FYN: variants seen among roughly 807,000 people sequenced by gnomAD.
FYN encodes tyrosine-protein kinase Fyn.
In FYN, 10 loss-of-function variants were observed where a neutral mutation model predicts 70.2. The ratio of observed to expected loss-of-function variants is 0.14; its 90% CI spans 0.09 to 0.24. The LOEUF (loss-of-function observed/expected upper bound fraction) is 0.24. FYN is among the 10% of genes least tolerant of loss of function. The pLI, the probability that FYN is intolerant of heterozygous loss-of-function variation, is 1.00. For synonymous variants in FYN, 236 were observed against 248.6 expected (o/e 0.95, Z 0.48); for missense variants, 319 against 673.1 (o/e 0.47, Z 5.82).
chr6:111,863,969 T>C (rs1052123049), intron 1 of FYN, among the ~76,000 whole-genome samples: 2 of 152,200 alleles, frequency 1.3e-5, no homozygotes, highest in Admixed American at 6.5e-5. Flanking sequence ...CTTCTCACTG[T>C]TGTTCCCAGA....
intron 2 of FYN, among the ~76,000 whole-genome samples, chr6:111,827,964 T>C (rs185942046): frequency 1.5e-4 from 23 of 152,278 alleles, no homozygotes; most frequent in Admixed American, 1.0e-3. Flanking sequence ...AAAGATGCTG[T>C]CCAACCAGTG....
intron 3 of FYN, among the ~76,000 whole-genome samples, chr6:111,760,535 T>C (rs1802957426): frequency 6.6e-6 from 1 of 152,166 alleles, no homozygotes. Context: ...CCAGCTCCCC[T>C]GGCTGTGAGG....
intron 2 of FYN, among the ~76,000 whole-genome samples, chr6:111,837,145 G>C (rs138233609): frequency 6.6e-6 from 1 of 152,118 alleles, no homozygotes; most frequent in Non-Finnish European, 1.5e-5. Flanking sequence ...TAAACTTTAC[G>C]AGTGGGTTTT....
chr6:111,868,813 G>A (rs2024833), intron 1 of FYN, among the ~76,000 whole-genome samples: 19,621 of 149,092 alleles, frequency 0.13, 1,480 homozygotes, highest in East Asian at 0.35. Context: ...TCTGTAAAAC[G>A]GAGATTATAA....
At chr6:111,789,372 G>A (rs577929279) in intron 2 of FYN, among the ~76,000 whole-genome samples, 1 of 152,196 alleles carries the variant, frequency 6.6e-6, no homozygotes, top group East Asian at 1.9e-4. Flanking sequence ...GACTGGATGG[G>A]TGGGGGTAGG....
intron 5 of FYN, among the ~76,000 whole-genome samples, chr6:111,710,954 TA>T (rs1800348721): frequency 6.6e-6 from 1 of 152,238 alleles, no homozygotes; most frequent in Non-Finnish European, 1.5e-5. Context: ...ATATATGATT[TA>T]AAGCCTGGCG....
chr6:111,724,839 G>A (rs1801123005), intron 3 of FYN, among the ~76,000 whole-genome samples: 1 of 152,196 alleles, frequency 6.6e-6, no homozygotes, highest in Non-Finnish European at 1.5e-5. Flanking sequence ...GTACTTAGAG[G>A]TGGCATGTTT....
intron 12 of FYN, among the ~76,000 whole-genome samples, chr6:111,693,387 C>A (rs1277753779): frequency 6.6e-6 from 1 of 152,124 alleles, no homozygotes; most frequent in African/African-American, 2.4e-5. Context: ...AAAGTTCCCC[C>A]TTGCCCCAGC....
intron 2 of FYN, among the ~76,000 whole-genome samples, chr6:111,795,049 A>T (rs1427562801): frequency 6.6e-6 from 1 of 152,236 alleles, no homozygotes; most frequent in Non-Finnish European, 1.5e-5. Context: ...CACAAAATTT[A>T]ACTTGGTTGA....
chr6:111,700,357 C>T (rs529234904), intron 8 of FYN, 89 bp from the exon 9 acceptor site: 24 of 1,338,596 alleles, frequency 1.8e-5, no homozygotes, highest in African/African-American at 1.0e-4. Context: ...ACACTAGCGG[C>T]GCACAGTGCT....
chr6:111,723,202 A>G (rs763442510), intron 3 of FYN, among the ~76,000 whole-genome samples: 9 of 152,234 alleles, frequency 5.9e-5, no homozygotes, highest in African/African-American at 9.6e-5. Flanking sequence ...AAAGAAATAT[A>G]CTATAATAAG....
chr6:111,816,817 G>A (rs1285161790), intron 2 of FYN, among the ~76,000 whole-genome samples: 2 of 152,202 alleles, frequency 1.3e-5, no homozygotes, highest in African/African-American at 4.8e-5. Flanking sequence ...AGAAAATAAA[G>A]TATTCAAAGA....
intron 3 of FYN, among the ~76,000 whole-genome samples, chr6:111,751,540 A>C (rs1230897059): frequency 6.6e-6 from 1 of 152,224 alleles, no homozygotes; most frequent in Non-Finnish European, 1.5e-5. Context: ...TAGAGTTGAA[A>C]AGATCAGTGT....
intron 2 of FYN, among the ~76,000 whole-genome samples, chr6:111,828,647 G>A (rs1350350311): frequency 6.6e-6 from 1 of 152,098 alleles, no homozygotes; most frequent in Non-Finnish European, 1.5e-5. Context: ...AATGAAATCA[G>A]CCAGTTGTAG....
chr6:111,696,103 G>C (rs1799561693), intron 10 of FYN, among the ~76,000 whole-genome samples, 174 bp downstream of exon 10: 1 of 152,200 alleles, frequency 6.6e-6, no homozygotes, highest in Admixed American at 6.5e-5. Flanking sequence ...TAAACGCAAG[G>C]TTAGTCTGTT....
At position 111,873,278 on chromosome 6, in the gene FYN, T is replaced by C. The variant is rs535218172; in HGVS notation, c.-433A>G. Reference sequence around the variant, plus strand: ...GCCGCTCGCACAACAACCTCGCCTCTACTCTCGCCGCCGGGCGGCGGGCGG... The same window carrying C: ...GCCGCTCGCACAACAACCTCGCCTCCACTCTCGCCGCCGGGCGGCGGGCGG... On this transcript the variant is annotated 5_prime_UTR_variant, in exon 1 of 14. Transcript: ENST00000354650. 3 of 149,746 alleles carry C rather than the reference T, an allele frequency of 2.0e-5. No individual in the cohort carries two copies. Among genetic ancestry groups the C allele is most frequent in the African/African-American group, 7.3e-5 (3 of 40,818 alleles). The allele number at this position is 149,746 out of a possible 1,614,324, so 9.3% of individuals were successfully genotyped here.
chr6:111,785,635 G>A lies in FYN; in HGVS notation c.-81-5000C>T, dbSNP rs112487846. 2.6e-3 allele frequency among the ~76,000 whole-genome samples: 396 copies of A among 152,094 alleles called. 4 individuals are homozygous for A. The highest frequency in any genetic ancestry group is 8.9e-3 in the African/African-American group (368 of 41,466). ...GAGACTTGCCCAAGTTCTTATTAGT[G>A]GGTGGCAAAGACAGGAATTTTTTTT... On this transcript the variant is annotated intron_variant, in intron 2 of 13. Transcript: ENST00000354650.
intron 13 of FYN, 91 bp from the exon 14 acceptor site, chr6:111,662,038 T>C: frequency 9.4e-7 from 1 of 1,068,930 alleles, no homozygotes; most frequent in Non-Finnish European, 1.4e-6. Context: ...TCTTTGCGTC[T>C]GCATGTGGCT....
intron 3 of FYN, among the ~76,000 whole-genome samples, chr6:111,775,332 C>T (rs1055643224): frequency 1.3e-5 from 2 of 152,164 alleles, no homozygotes; most frequent in African/African-American, 4.8e-5. Flanking sequence ...GCAGGATGGC[C>T]TCCCGCAAAG....
Sources: allele counts gnomAD v4.1 joint callset (sites outside exome capture counted in the v4.1 genomes callset), GRCh38; gene constraint gnomAD v4.1.1; transcripts MANE v1.5; gene names NCBI Gene and HGNC (gene_info 2026-07-23, HGNC 2026-07-21).